Variants in CADPS observed in about 807,000 individuals in gnomAD.
CADPS encodes calcium-dependent secretion activator 1.
A neutral mutation model predicts 167.3 loss-of-function variants in CADPS; 57 were observed. The ratio of observed to expected loss-of-function variants is 0.34; its 90% CI spans 0.28 to 0.42. CADPS has a LOEUF of 0.42. Among genes scored for constraint, CADPS ranks in the 20% least tolerant of loss-of-function variants. CADPS has a pLI of 1.00. For synonymous variants in CADPS, 676 were observed against 635.3 expected, an observed-to-expected ratio of 1.06 and a Z score of -0.96; for missense variants, 1,414 against 1,738.1, an observed-to-expected ratio of 0.81 and a Z score of 3.32.
chr3:62,715,418 T>C (rs1016885078), intron 3 of CADPS, among the ~76,000 whole-genome samples: 1 of 85,498 alleles, frequency 1.2e-5, no homozygotes, highest in Admixed American at 1.3e-4. Context: ...TATAAATATA[T>C]ATTTATATAT....
intron 28 of CADPS, among the ~76,000 whole-genome samples, chr3:62,432,062 C>T (rs2054092177): frequency 6.6e-6 from 1 of 151,828 alleles, no homozygotes; most frequent in South Asian, 2.1e-4. Context: ...CCCCCCAAAA[C>T]CCTGAAGTTC....
intron 3 of CADPS, among the ~76,000 whole-genome samples, chr3:62,716,788 G>A (rs898921527): frequency 6.6e-6 from 1 of 152,030 alleles, no homozygotes; most frequent in Non-Finnish European, 1.5e-5. Context: ...TTTTTTGGTT[G>A]AATTAGTAGA....
intron 3 of CADPS, among the ~76,000 whole-genome samples, chr3:62,706,012 G>T (rs1403763706): frequency 3.3e-5 from 5 of 152,042 alleles, no homozygotes; most frequent in Admixed American, 6.5e-5. Flanking sequence ...CTGCTTTGTG[G>T]CTCCTGGCTT....
At chr3:62,716,485 T>C (rs518124) in intron 3 of CADPS, among the ~76,000 whole-genome samples, 23,228 of 152,234 alleles carry the variant, frequency 0.15, 1,943 homozygotes, top group South Asian at 0.25. Flanking sequence ...CAGACCTTTA[T>C]GCAAACTCAG....
intron 26 of CADPS, among the ~76,000 whole-genome samples, chr3:62,461,301 C>T (rs1451464991): frequency 6.6e-6 from 1 of 152,200 alleles, no homozygotes; most frequent in Admixed American, 6.5e-5. Flanking sequence ...ATATAACCAT[C>T]ATCATATTAC....
intron 3 of CADPS, among the ~76,000 whole-genome samples, chr3:62,749,017 T>C (rs1564628730): frequency 6.6e-6 from 1 of 152,204 alleles, no homozygotes; most frequent in African/African-American, 2.4e-5. Flanking sequence ...CCTTTAGAAT[T>C]CAACTCAAAT....
chr3:62,772,934 A>G (rs565138120), intron 1 of CADPS, among the ~76,000 whole-genome samples: 2 of 152,304 alleles, frequency 1.3e-5, no homozygotes, highest in East Asian at 3.9e-4. Flanking sequence ...CTTAAAGTAT[A>G]ATGTCAGCAT....
At chr3:62,728,506 C>T (rs1478996762) in intron 3 of CADPS, among the ~76,000 whole-genome samples, 1 of 151,838 alleles carries the variant, frequency 6.6e-6, no homozygotes, top group Non-Finnish European at 1.5e-5. Context: ...TAACTTTCCC[C>T]TTCACAAATA....
intron 2 of CADPS, among the ~76,000 whole-genome samples, chr3:62,760,066 T>C (rs1022877901): frequency 6.6e-6 from 1 of 152,082 alleles, no homozygotes; most frequent in Non-Finnish European, 1.5e-5. Flanking sequence ...TTCTATGCCC[T>C]TTTCCCCTGC....
chr3:62,817,785 G>T (rs503509), intron 1 of CADPS, among the ~76,000 whole-genome samples: 1 of 152,054 alleles, frequency 6.6e-6, no homozygotes, highest in Non-Finnish European at 1.5e-5. Flanking sequence ...TAGATAAATT[G>T]GTACAATGTG....
At chr3:62,630,944 T>G (rs1400169181) in intron 6 of CADPS, among the ~76,000 whole-genome samples, 1 of 152,176 alleles carries the variant, frequency 6.6e-6, no homozygotes, top group Non-Finnish European at 1.5e-5. Context: ...CAAGGTTATG[T>G]AGGTTTCTCA....
intron 1 of CADPS, among the ~76,000 whole-genome samples, chr3:62,831,647 AT>A (rs1257258868): frequency 6.6e-6 from 1 of 152,218 alleles, no homozygotes; most frequent in Non-Finnish European, 1.5e-5. Context: ...TGTAAATTCC[AT>A]CAGTATATTC....
In CADPS at chr3:62,533,048, C is replaced by T; in HGVS notation, c.2114G>A (p.Ser705Asn). 1 of 1,613,518 alleles carries T rather than the reference C, an allele frequency of 6.2e-7. No homozygotes were observed. The highest frequency in any genetic ancestry group is 8.5e-7 in the Non-Finnish European group (1 of 1,179,622). Reference protein sequence around the residue: ...NDSYSCLGWFSPGQVFVLDEY... With the variant: ...NDSYSCLGWFNPGQVFVLDEY... ...GTCTAGTACAAACACCTGGCCAGGACTGAACCAGCCCTATATAAAGAATAA... is the reference window on the plus strand; with the variant it reads ...GTCTAGTACAAACACCTGGCCAGGATTGAACCAGCCCTATATAAAGAATAA... The change falls in exon 13 of 30, where the codon AGT becomes AAT. Residue 705 changes from serine (S) to asparagine (N), a missense_variant. Physicochemically the swap from Ser to Asn is conservative, Grantham distance 46 (BLOSUM62 1). This residue lies in a region of CADPS where 529 missense variants were observed against 629.6 expected (regional missense o/e 0.84). Coordinates refer to ENST00000383710, the MANE Select transcript of CADPS (RefSeq NM_003716.4).
At chr3:62,851,258 A>C (rs1457861005) in intron 1 of CADPS, among the ~76,000 whole-genome samples, 6 of 135,870 alleles carry the variant, frequency 4.4e-5, no homozygotes, top group Non-Finnish European at 7.9e-5. Flanking sequence ...TTAATTGGAG[A>C]ATTTAGTCCA....
intron 1 of CADPS, among the ~76,000 whole-genome samples, chr3:62,773,811 C>T (rs1383516959): frequency 1.3e-5 from 2 of 152,040 alleles, no homozygotes; most frequent in African/African-American, 4.8e-5. Flanking sequence ...ACAATTCTTG[C>T]TCATTTTTAA....
chr3:62,536,239 G>T (rs2074665000), intron 12 of CADPS: 1 of 457,204 alleles, frequency 2.2e-6, no homozygotes, highest in Non-Finnish European at 3.9e-6. Flanking sequence ...TGGGGAATTG[G>T]ATCTGTTTCT....
chr3:62,556,888 A>G, intron 10 of CADPS, among the ~76,000 whole-genome samples: 1 of 151,790 alleles, frequency 6.6e-6, no homozygotes, highest in Non-Finnish European at 1.5e-5. Flanking sequence ...AAGTGCTACC[A>G]GCTAACCTTA....
chr3:62,399,541 G>C lies in CADPS; in HGVS notation c.3927C>G (p.Thr1309=). The part of the protein sequence containing the change: ...DFRLQGVLDS[T]LNSKTYETIR... ...TCGTTTCATAGGTCTTGCTGTTTAA[G>C]GTGGAGTCCAGGACCCCTTGCAATC... The change falls in exon 30 of 30, where the codon ACC becomes ACG. Residue 1309 remains threonine (T), a synonymous_variant. Transcript: ENST00000383710. The surrounding 1 kb of genome is among the most constrained non-coding windows in gnomAD (Gnocchi z 5.6). The C allele has an allele frequency of 2.5e-6, 4 of 1,614,116 alleles. No individual in the cohort carries two copies. The highest frequency in any genetic ancestry group is 2.5e-6 in the Non-Finnish European group (3 of 1,179,986).
intron 6 of CADPS, among the ~76,000 whole-genome samples, chr3:62,599,854 T>TTTTATATATATA (rs2059664228): frequency 6.6e-4 from 2 of 3,032 alleles, no homozygotes; most frequent in Non-Finnish European, 3.5e-3. Flanking sequence ...ATATATATAA[T>TTTTATATATATA]ATATATAATA....
Sources: gnomAD v4.1 joint callset for allele counts (sites outside exome capture counted in the v4.1 genomes callset) on GRCh38, gnomAD v4.1.1 for gene constraint, gnomAD v4.1.1 regional missense constraint, Gnocchi (gnomAD v3.1) non-coding constraint, MANE v1.5 for transcripts, NCBI Gene and HGNC (gene_info 2026-07-23, HGNC 2026-07-21) for gene names.